The following ABCC4 variants were observed in gnomAD, a reference collection of about 807,000 sequenced individuals.
ABCC4 encodes the protein ATP binding cassette subfamily C member 4 (PEL blood group).
Under a neutral mutation model 168.5 loss-of-function variants are expected in ABCC4, and 102 were observed. That is an observed-to-expected ratio of 0.61 (90% CI 0.52 to 0.71). ABCC4 has a LOEUF of 0.71. Among genes scored for constraint, ABCC4 ranks in the 30% least tolerant of loss-of-function variants. ABCC4 has a pLI of 0.00. For synonymous variants in ABCC4, 617 were observed against 590.7 expected (o/e 1.04, Z -0.65); for missense variants, 1,402 against 1,605.8 (o/e 0.87, Z 2.17).
intron 1 of ABCC4, among the ~76,000 whole-genome samples, chr13:95,283,612 C>G (rs2041183662): frequency 6.6e-6 from 1 of 152,078 alleles, no homozygotes; most frequent in Non-Finnish European, 1.5e-5. Flanking sequence ...TGAGTGGCAG[C>G]AGAATGCAGA....
chr13:95,085,992 C>A (rs1175669586), intron 20 of ABCC4, among the ~76,000 whole-genome samples: 1 of 117,414 alleles, frequency 8.5e-6, no homozygotes, highest in African/African-American at 3.3e-5. Flanking sequence ...GATACTATAT[C>A]CTACACACGA....
At chr13:95,117,123 G>A (rs907616747) in intron 19 of ABCC4, among the ~76,000 whole-genome samples, 1 of 152,132 alleles carries the variant, frequency 6.6e-6, no homozygotes, top group Non-Finnish European at 1.5e-5. Flanking sequence ...TCTTGTCTCA[G>A]GCTTCGGACA....
intron 27 of ABCC4, among the ~76,000 whole-genome samples, chr13:95,050,483 C>T (rs986970422): frequency 6.6e-6 from 1 of 152,166 alleles, no homozygotes; most frequent in Admixed American, 6.5e-5. Context: ...TCATTACCCC[C>T]AAACGAGCAA....
At chr13:95,112,513 C>G (rs1394415074) in intron 20 of ABCC4, among the ~76,000 whole-genome samples, 2 of 152,040 alleles carry the variant, frequency 1.3e-5, no homozygotes, top group Admixed American at 1.3e-4. Flanking sequence ...ATGAAGATAC[C>G]TAACTTTTCT....
intron 19 of ABCC4, among the ~76,000 whole-genome samples, chr13:95,156,737 T>A (rs756555030): frequency 6.6e-6 from 1 of 151,732 alleles, no homozygotes; most frequent in Non-Finnish European, 1.5e-5. Context: ...CCAACCTACA[T>A]CAAAAGAGGA....
chr13:95,067,684 G>A (rs987981683), intron 25 of ABCC4, among the ~76,000 whole-genome samples: 2 of 151,952 alleles, frequency 1.3e-5, no homozygotes, highest in African/African-American at 4.8e-5. Flanking sequence ...TGAGAGGAGG[G>A]GTTTCTCAGC....
chr13:95,224,465 G>C (rs956172943), intron 4 of ABCC4, among the ~76,000 whole-genome samples: 1 of 152,144 alleles, frequency 6.6e-6, no homozygotes, highest in Non-Finnish European at 1.5e-5. Flanking sequence ...GGCCAGTCGT[G>C]GTGGCTCACG....
intron 14 of ABCC4, 99 bp downstream of exon 14, chr13:95,170,433 C>T: frequency 1.5e-6 from 1 of 669,310 alleles, no homozygotes. Context: ...AACATGAATC[C>T]CAGCTCTGAG....
intron 20 of ABCC4, among the ~76,000 whole-genome samples, chr13:95,090,591 C>G (rs1217448480): frequency 6.6e-6 from 1 of 152,176 alleles, no homozygotes; most frequent in Admixed American, 6.5e-5. Context: ...AGTACTATAT[C>G]AAGGGAACAC....
At chr13:95,087,278 C>A (rs1421856421) in intron 20 of ABCC4, among the ~76,000 whole-genome samples, 1 of 152,164 alleles carries the variant, frequency 6.6e-6, no homozygotes, top group Non-Finnish European at 1.5e-5. Context: ...ATAATCCTAA[C>A]ACTTTGGGAG....
At position 95,031,128 on chromosome 13, in the gene ABCC4, T is replaced by C. The variant is rs548062548; in HGVS notation, c.3870+3477A>G. Among the ~76,000 whole-genome samples the C allele has an allele frequency of 1.2e-4, 18 of 152,366 alleles. No homozygotes were observed. In the South Asian group the frequency reaches 3.5e-3, roughly 30 times the overall value. On this transcript the variant is annotated intron_variant, in intron 30 of 30. Coordinates refer to ENST00000645237, the MANE Select transcript of ABCC4 (RefSeq NM_005845.5). The stretch of plus-strand genomic sequence containing the variant: ...TGAATGATGCATTGATATTTGATGC[T>C]TGCACATTTAAAAGGTTGACAATCT...
intron 1 of ABCC4, among the ~76,000 whole-genome samples, chr13:95,287,763 C>G (rs1246505199): frequency 6.6e-6 from 1 of 150,836 alleles, no homozygotes; most frequent in Non-Finnish European, 1.5e-5. Context: ...AATAAATAGG[C>G]CAGATGAGGT....
At position 95,034,598 on chromosome 13, in the gene ABCC4, C is replaced by T. The variant is rs754094423; in HGVS notation, c.3870+7G>A. On this transcript the variant is annotated splice_region_variant and intron_variant, in intron 30 of 30. Coordinates refer to ENST00000645237, the MANE Select transcript of ABCC4 (RefSeq NM_005845.5). ...ACTTTAATTACAACTCCTTGGAGCA[C>T]GCTCACCTGTTTTGCTGTTTCAGTG... 6.8e-6 allele frequency: 11 copies of T among 1,611,490 alleles called. No individual in the cohort carries two copies. Among genetic ancestry groups the T allele is most frequent in the South Asian group, 3.3e-5 (3 of 90,862 alleles).
chr13:95,173,254 G>T (rs2037540670), intron 13 of ABCC4, among the ~76,000 whole-genome samples: 2 of 152,252 alleles, frequency 1.3e-5, no homozygotes, highest in African/African-American at 4.8e-5. Flanking sequence ...ATTCCTGGCA[G>T]ATACAGCAGG....
rs774568801 is a variant in ABCC4, at chr13:95,170,510, G to C, written c.1824+22C>G. 1.8e-5 allele frequency: 27 copies of C among 1,533,456 alleles called. No individual in the cohort carries two copies. In the South Asian group the frequency reaches 2.9e-4, roughly 17 times the overall value. 95.0% of individuals were successfully genotyped at this position (1,533,456 alleles called of 1,614,324 possible). ...CACACCCAAGTACTTGCAAGTTCGG[G>C]AGACCTCTAGAAACTACTTACATCT... On this transcript the variant is annotated intron_variant, in intron 14 of 30. Coordinates refer to ENST00000645237, the MANE Select transcript of ABCC4 (RefSeq NM_005845.5).
At chr13:95,033,619 T>TA (rs961520346) in intron 30 of ABCC4, among the ~76,000 whole-genome samples, 1 of 152,072 alleles carries the variant, frequency 6.6e-6, no homozygotes, top group African/African-American at 2.4e-5. Context: ...GCTATAGCTA[T>TA]AACATATTAT....
chr13:95,027,168 T>A (rs2031590366), intron 30 of ABCC4, among the ~76,000 whole-genome samples: 1 of 152,068 alleles, frequency 6.6e-6, no homozygotes, highest in Non-Finnish European at 1.5e-5. Context: ...ATCAGAGGGG[T>A]AACAAAGATT....
Position 95,166,356 on chromosome 13 carries a change from C to T in ABCC4, c.1836G>A (p.Val612=), listed in dbSNP as rs1191605051. 5 of 1,612,184 alleles carry T rather than the reference C, an allele frequency of 3.1e-6. No homozygotes were observed. Among genetic ancestry groups the T allele is most frequent in the Non-Finnish European group, 4.2e-6 (5 of 1,179,640 alleles). ...QILILKDGKM[V]QKGTYTEFLK... ...GGAACTCAGTGTAAGTCCCCTTCTG[C>T]ACCATTTTACCCTAAAATAAAAATA... The change falls in exon 15 of 31, where the codon GTG becomes GTA. Residue 612 remains valine (V), a synonymous_variant. Transcript: ENST00000645237.
intron 25 of ABCC4, among the ~76,000 whole-genome samples, chr13:95,066,722 G>C (rs2033560876): frequency 6.6e-6 from 1 of 152,192 alleles, no homozygotes; most frequent in Non-Finnish European, 1.5e-5. Context: ...TGATGGAATG[G>C]GACGGAAACC....
Sources: gnomAD v4.1 joint callset for allele counts (sites outside exome capture counted in the v4.1 genomes callset) on GRCh38, gnomAD v4.1.1 for gene constraint, MANE v1.5 for transcripts, NCBI Gene and HGNC (gene_info 2026-07-23, HGNC 2026-07-21) for gene names.